Variants in RBFOX1 observed in about 807,000 individuals in gnomAD.
RBFOX1 encodes RNA binding protein fox-1 homolog 1.
A neutral mutation model predicts 57.7 loss-of-function variants in RBFOX1; 8 were observed. The ratio of observed to expected loss-of-function variants is 0.14; its 90% CI spans 0.08 to 0.25. RBFOX1 has a LOEUF of 0.25. Ranked by LOEUF, RBFOX1 falls within the 10% of genes least tolerant of loss-of-function variation. The pLI is 1.00. For synonymous variants in RBFOX1, 326 were observed against 222.4 expected (o/e 1.47, Z -4.15); for missense variants, 611 against 548.5 (o/e 1.11, Z -1.14).
intron 4 of RBFOX1, among the ~76,000 whole-genome samples, chr16:7,390,629 C>T (rs190635676): frequency 3.3e-5 from 5 of 152,222 alleles, no homozygotes; most frequent in African/African-American, 9.6e-5. Flanking sequence ...AGATCATTTT[C>T]GGATTGTGTG....
At position 6,892,775 on chromosome 16, in the gene RBFOX1, C is replaced by CCTCTCTCT. The variant is rs750285832; in HGVS notation, c.-15-159237_-15-159230dup. Among the ~76,000 whole-genome samples, 240 of 84,510 alleles carry CCTCTCTCT rather than the reference C, an allele frequency of 2.8e-3. 11 individuals are homozygous for CCTCTCTCT. Among genetic ancestry groups the CCTCTCTCT allele is most frequent in the African/African-American group, 7.5e-3 (147 of 19,546 alleles). 55.4% of individuals were successfully genotyped at this position (84,510 alleles called of 152,430 possible). A position where few individuals can be genotyped will look rare whatever the true frequency, so the allele number is the denominator to read the frequency against. On this transcript the variant is annotated intron_variant, in intron 3 of 15. Coordinates refer to ENST00000550418, the MANE Select transcript of RBFOX1 (RefSeq NM_018723.4). ...CATATTCTCAAAGCCTCCCTGTCTC[C>CCTCTCTCT]CTCTCTCTCTCTCTCTCTCTCTCTC...
At chr16:6,946,405 C>G (rs1020974557) in intron 3 of RBFOX1, among the ~76,000 whole-genome samples, 1 of 152,182 alleles carries the variant, frequency 6.6e-6, no homozygotes, top group Non-Finnish European at 1.5e-5. Context: ...GCAAGCTCTA[C>G]GCTTATTGCC....
At chr16:7,393,988 C>A (rs2098092570) in intron 4 of RBFOX1, among the ~76,000 whole-genome samples, 1 of 152,026 alleles carries the variant, frequency 6.6e-6, no homozygotes, top group South Asian at 2.1e-4. Context: ...GTAATCCTAG[C>A]CCTTTGGGAG....
At chr16:7,114,264 G>A (rs953258517) in intron 4 of RBFOX1, among the ~76,000 whole-genome samples, 13 of 151,820 alleles carry the variant, frequency 8.6e-5, no homozygotes, top group Admixed American at 4.6e-4. Context: ...GAGTGTACTT[G>A]TGTACACATT....
At chr16:5,988,805 C>G (rs946427342) in intron 4 of RBFOX1, among the ~76,000 whole-genome samples, 1 of 151,992 alleles carries the variant, frequency 6.6e-6, no homozygotes, top group Non-Finnish European at 1.5e-5. Flanking sequence ...ATATAAAATT[C>G]AGCTTAAATG....
intron 3 of RBFOX1, among the ~76,000 whole-genome samples, chr16:5,701,270 A>G (rs1026942706): frequency 2.6e-5 from 4 of 152,270 alleles, no homozygotes; most frequent in Non-Finnish European, 5.9e-5. Flanking sequence ...AAAATACAGC[A>G]TAACAGGTTA....
chr16:6,429,597 A>G (rs952824792), intron 2 of RBFOX1, among the ~76,000 whole-genome samples: 12 of 152,178 alleles, frequency 7.9e-5, no homozygotes, highest in Non-Finnish European at 1.5e-4. Context: ...TTTGAAATGT[A>G]ATAATCCCCA....
chr16:7,686,578 A>G (rs1281600081), intron 14 of RBFOX1, among the ~76,000 whole-genome samples: 1 of 152,128 alleles, frequency 6.6e-6, no homozygotes, highest in East Asian at 1.9e-4. Context: ...ACAGACAAAA[A>G]AAGAAAAAGC....
At chr16:5,663,463 C>T (rs149397235) in intron 3 of RBFOX1, among the ~76,000 whole-genome samples, 3 of 151,988 alleles carry the variant, frequency 2.0e-5, no homozygotes, top group East Asian at 1.9e-4. Context: ...CTTCAGCCCC[C>T]GAAAATGCTG....
rs199953396 is a variant in RBFOX1 at position 5,821,302 on chromosome 16, T to A, written c.319-46001T>A. On this transcript the variant is annotated intron_variant, in intron 3 of 19. Coordinates refer to the RBFOX1 transcript ENST00000641259. ...TGTCATTCTCTCTTTTTTTATTTTTTTTTTTTTTTTTGAGACGGAGTCTTG... is the reference window on the plus strand; with the variant it reads ...TGTCATTCTCTCTTTTTTTATTTTTATTTTTTTTTTTGAGACGGAGTCTTG... 1.0e-3 allele frequency among the ~76,000 whole-genome samples: 150 copies of A among 148,044 alleles called. 2 individuals are homozygous for A. The East Asian group carries it at 0.01, about 10-fold the overall frequency.
intron 1 of RBFOX1, among the ~76,000 whole-genome samples, chr16:5,447,762 C>T (rs1213859200): frequency 6.6e-6 from 1 of 152,224 alleles, no homozygotes; most frequent in Non-Finnish European, 1.5e-5. Context: ...GTTATCCTCC[C>T]ACTTTTCTCT....
At chr16:5,483,877 G>C (rs1047307432) in intron 2 of RBFOX1, among the ~76,000 whole-genome samples, 2 of 152,164 alleles carry the variant, frequency 1.3e-5, no homozygotes, top group African/African-American at 4.8e-5. Context: ...CTGTAATCAC[G>C]ATGCCTGCCA....
intron 4 of RBFOX1, among the ~76,000 whole-genome samples, chr16:7,247,985 C>T (rs1461588653): frequency 1.3e-5 from 2 of 152,224 alleles, no homozygotes; most frequent in South Asian, 2.1e-4. Flanking sequence ...AGACAAACTC[C>T]CATGACACAA....
At chr16:6,769,696 A>G (rs1316951300) in intron 3 of RBFOX1, among the ~76,000 whole-genome samples, 1 of 152,148 alleles carries the variant, frequency 6.6e-6, no homozygotes, top group Non-Finnish European at 1.5e-5. Context: ...TTCCCTGCTG[A>G]TGTAGGATAA....
intron 4 of RBFOX1, among the ~76,000 whole-genome samples, chr16:7,249,778 G>A (rs867871692): frequency 3.3e-5 from 5 of 152,216 alleles, no homozygotes; most frequent in Middle Eastern, 6.8e-3. Flanking sequence ...GCAACATTGT[G>A]TCTATATCTT....
intron 3 of RBFOX1, among the ~76,000 whole-genome samples, chr16:5,744,311 T>C (rs9941024): frequency 0.5 from 75,646 of 152,032 alleles, 19,822 homozygotes; most frequent in African/African-American, 0.66. Flanking sequence ...CCCGTTTCCT[T>C]TGCTGTCGCT....
At chr16:7,349,496 C>T (rs1373856658) in intron 4 of RBFOX1, among the ~76,000 whole-genome samples, 1 of 151,874 alleles carries the variant, frequency 6.6e-6, no homozygotes, top group Admixed American at 6.6e-5. Context: ...GCCAGCCAGT[C>T]CTTGTCAGAA....
intron 4 of RBFOX1, among the ~76,000 whole-genome samples, chr16:7,392,513 G>A (rs1416816641): frequency 6.6e-6 from 1 of 152,152 alleles, no homozygotes; most frequent in East Asian, 1.9e-4. Context: ...TGACTTGAAT[G>A]GGAGATATTT....
chr16:7,483,599 G>T (rs2064584557), intron 4 of RBFOX1, among the ~76,000 whole-genome samples: 1 of 152,186 alleles, frequency 6.6e-6, no homozygotes, highest in African/African-American at 2.4e-5. Context: ...TGAGGATACA[G>T]ATAGGACAGT....
Sources: gnomAD v4.1 joint callset for allele counts (sites outside exome capture counted in the v4.1 genomes callset) on GRCh38, gnomAD v4.1.1 for gene constraint, MANE v1.5 for transcripts, NCBI Gene and HGNC (gene_info 2026-07-23, HGNC 2026-07-21) for gene names.